NEK10: variants seen among roughly 807,000 people sequenced by gnomAD.
The protein encoded by NEK10 is serine/threonine-protein kinase Nek10.
NEK10 carries 122 observed loss-of-function variants against 159.8 expected under a neutral mutation model. The observed-to-expected ratio is 0.76, with a 90% CI of 0.66 to 0.89. The LOEUF (loss-of-function observed/expected upper bound fraction) is 0.89, where lower values mean the gene tolerates loss of function less well. Among genes scored for constraint, NEK10 ranks in the 40% least tolerant of loss-of-function variants. The pLI is 0.00. For missense variants in NEK10, 1,342 were observed against 1,323.1 expected (o/e 1.01, Z -0.22); for synonymous variants, 466 against 457.1 (o/e 1.02, Z -0.25).
At chr3:27,330,692 G>C (rs767460505) in intron 5 of NEK10, among the ~76,000 whole-genome samples, 2 of 152,074 alleles carry the variant, frequency 1.3e-5, no homozygotes, top group Non-Finnish European at 2.9e-5. Flanking sequence ...AGTGTCAATG[G>C]CTCGAGCAGG....
chr3:27,326,324 G>C (rs892851281), intron 5 of NEK10, among the ~76,000 whole-genome samples: 2 of 152,202 alleles, frequency 1.3e-5, no homozygotes, highest in Non-Finnish European at 2.9e-5. Context: ...TCTAACAGAA[G>C]TAATGATCAG....
chr3:27,299,642 C>G (rs747964898), intron 13 of NEK10, among the ~76,000 whole-genome samples: 50 of 152,178 alleles, frequency 3.3e-4, no homozygotes, highest in Non-Finnish European at 6.9e-4. Flanking sequence ...AACATCAACC[C>G]ATGAAAGCAG....
At chr3:27,337,986 G>A (rs1056783356) in intron 5 of NEK10, among the ~76,000 whole-genome samples, 1 of 152,016 alleles carries the variant, frequency 6.6e-6, no homozygotes, top group Admixed American at 6.5e-5. Context: ...AGGTACATGT[G>A]CACAACGTGC....
At chr3:27,248,569 T>G (rs1955332072) in intron 23 of NEK10, among the ~76,000 whole-genome samples, 1 of 152,196 alleles carries the variant, frequency 6.6e-6, no homozygotes, top group African/African-American at 2.4e-5. Context: ...CCATTATTAT[T>G]TGTTTCAAAA....
At position 27,297,209 on chromosome 3, in the gene NEK10, G is replaced by A; in HGVS notation, c.1200C>T (p.Leu400=). The A allele has an allele frequency of 6.2e-7, 1 of 1,613,176 alleles. No individual in the cohort carries two copies. Among genetic ancestry groups the A allele is most frequent in the Non-Finnish European group, 8.5e-7 (1 of 1,179,182 alleles). The change falls in exon 14 of 36, where the codon CTC becomes CTT. Residue 400 remains leucine, a synonymous_variant. Transcript: ENST00000691995. The stretch of plus-strand genomic sequence containing the variant: ...CCACCTGGTGGGCATTGGTGTCATT[G>A]AGCACCAGCTCAGTGAGGGCAGCAC... ...ACCAALTELV[L]NDTNAHQVVQ...
chr3:27,321,336 G>T (rs1337364438), intron 6 of NEK10, among the ~76,000 whole-genome samples: 1 of 152,140 alleles, frequency 6.6e-6, no homozygotes, highest in African/African-American at 2.4e-5. Context: ...GCATGTACAA[G>T]ATGTCCAGGT....
intron 23 of NEK10, among the ~76,000 whole-genome samples, chr3:27,235,199 G>A (rs1953775085): frequency 1.3e-5 from 2 of 152,064 alleles, no homozygotes; most frequent in African/African-American, 2.4e-5. Context: ...TAGGACATAG[G>A]CACTGACAAA....
intron 1 of NEK10, among the ~76,000 whole-genome samples, chr3:27,366,837 G>A (rs568062857): frequency 5.4e-5 from 7 of 130,286 alleles, no homozygotes; most frequent in Middle Eastern, 4.8e-3. Flanking sequence ...TTGAGACGGA[G>A]TTTCACTCTT....
At chr3:27,147,955 AACTCAGAC>A (rs761092370) in intron 30 of NEK10, among the ~76,000 whole-genome samples, 32 of 152,328 alleles carry the variant, frequency 2.1e-4, no homozygotes, top group Non-Finnish European at 3.7e-4. Context: ...CATTGAATAA[AACTCAGAC>A]ACTTGCCAAA....
chr3:27,280,095 G>GAAAAAA (rs1203824501), intron 22 of NEK10, among the ~76,000 whole-genome samples: 2 of 69,462 alleles, frequency 2.9e-5, no homozygotes, highest in African/African-American at 5.4e-5. Flanking sequence ...CCCTAAAATG[G>GAAAAAA]AAAAAAAAAA....
At chr3:27,326,528 T>C (rs1244501733) in intron 5 of NEK10, among the ~76,000 whole-genome samples, 1 of 152,162 alleles carries the variant, frequency 6.6e-6, no homozygotes, top group Non-Finnish European at 1.5e-5. Context: ...CATATTAATA[T>C]AAATATAAAA....
At chr3:27,260,281 C>T (rs995084670) in intron 22 of NEK10, among the ~76,000 whole-genome samples, 45 of 152,234 alleles carry the variant, frequency 3.0e-4, no homozygotes, top group African/African-American at 5.8e-4. Flanking sequence ...TGAGAGAGGG[C>T]GTCCCTGTCT....
chr3:27,364,852 C>A (rs2048945467), intron 1 of NEK10, among the ~76,000 whole-genome samples: 1 of 152,202 alleles, frequency 6.6e-6, no homozygotes. Flanking sequence ...CATGGTAGTG[C>A]CAGCACTGTT....
intron 23 of NEK10, among the ~76,000 whole-genome samples, chr3:27,240,654 CTTT>C (rs5847451): frequency 2.8e-5 from 4 of 141,468 alleles, no homozygotes; most frequent in South Asian, 2.2e-4. Context: ...ACTATCTCAT[CTTT>C]TTTTTTTTTT....
At chr3:27,219,239 G>T (rs1951856385) in intron 23 of NEK10, among the ~76,000 whole-genome samples, 1 of 152,198 alleles carries the variant, frequency 6.6e-6, no homozygotes, top group Admixed American at 6.5e-5. Flanking sequence ...CCATGGGAGG[G>T]TGCAGCCTAA....
At chr3:27,317,203 T>G (rs994800180) in intron 6 of NEK10, among the ~76,000 whole-genome samples, 13 of 152,224 alleles carry the variant, frequency 8.5e-5, no homozygotes, top group African/African-American at 3.1e-4. Context: ...TGGTCTTCCT[T>G]GCATTTCCTT....
intron 15 of NEK10, among the ~76,000 whole-genome samples, chr3:27,294,183 C>T (rs577479815): frequency 1.3e-5 from 2 of 152,182 alleles, no homozygotes; most frequent in East Asian, 1.9e-4. Context: ...CTCCCTAGAA[C>T]GCTCAGAAAG....
intron 26 of NEK10, among the ~76,000 whole-genome samples, chr3:27,187,397 G>A (rs754662436): frequency 6.6e-6 from 1 of 152,014 alleles, no homozygotes; most frequent in African/African-American, 2.4e-5. Flanking sequence ...GCACAAACAG[G>A]GGTTCAAAAC....
In NEK10 at chr3:27,106,652, G is replaced by A. The variant is rs1939018541; in HGVS notation, c.*4620C>T. Among the ~76,000 whole-genome samples the A allele has an allele frequency of 6.6e-6, 1 of 152,150 alleles. No individual in the cohort carries two copies. The highest frequency in any genetic ancestry group is 2.4e-5 in the African/African-American group (1 of 41,438). ...GCCTTAAAGGTGCCAAGGCCTTAAA[G>A]CAGTTGTTCCTCTTGGTTTGTTATT... On this transcript the variant is annotated 3_prime_UTR_variant, in exon 36 of 36. Coordinates refer to ENST00000691995, the MANE Select transcript of NEK10 (RefSeq NM_001394966.1).
Sources: allele counts gnomAD v4.1 joint callset (sites outside exome capture counted in the v4.1 genomes callset), GRCh38; gene constraint gnomAD v4.1.1; transcripts MANE v1.5; gene names NCBI Gene and HGNC (gene_info 2026-07-23, HGNC 2026-07-21).